The following TRPM3 variants were observed in gnomAD, a reference collection of about 807,000 sequenced individuals.
TRPM3 encodes transient receptor potential cation channel subfamily M member 3.
A neutral mutation model predicts 181.2 loss-of-function variants in TRPM3; 77 were observed. The ratio of observed to expected loss-of-function variants is 0.42; its 90% CI spans 0.35 to 0.51. The LOEUF (loss-of-function observed/expected upper bound fraction) is 0.51. Ranked by LOEUF, TRPM3 falls within the 20% of genes least tolerant of loss-of-function variation. The pLI is 0.01. For missense variants in TRPM3, 1,759 were observed against 2,196.7 expected (o/e 0.80, Z 3.98); for synonymous variants, 745 against 796.4 (o/e 0.94, Z 1.09).
At chr9:71,399,278 A>G (rs6560201) in intron 1 of TRPM3, among the ~76,000 whole-genome samples, 150,659 of 152,240 alleles carry the variant, frequency 0.99, 74,577 homozygotes, top group East Asian at 1. Context: ...GCACATGCCA[A>G]AGAATGTTCA....
At chr9:70,624,281 AT>A (rs2064118885) in intron 14 of TRPM3, among the ~76,000 whole-genome samples, 1 of 152,174 alleles carries the variant, frequency 6.6e-6, no homozygotes. Context: ...TTACTTTGTT[AT>A]TATTTTATTG....
intron 1 of TRPM3, among the ~76,000 whole-genome samples, chr9:70,929,295 G>A (rs563883883): frequency 7.9e-5 from 12 of 151,808 alleles, no homozygotes; most frequent in South Asian, 6.3e-4. Flanking sequence ...TCTGTCTCCC[G>A]GGTTCAAGCA....
chr9:71,335,510 A>T (rs1209337256), intron 1 of TRPM3, among the ~76,000 whole-genome samples: 1 of 152,130 alleles, frequency 6.6e-6, no homozygotes, highest in East Asian at 1.9e-4. Flanking sequence ...TGAACACTTT[A>T]AACTTGAGCA....
chr9:71,089,516 A>C lies in TRPM3; in HGVS notation c.177+31662T>G, dbSNP rs2065854604. 2.0e-5 allele frequency among the ~76,000 whole-genome samples: 3 copies of C among 152,044 alleles called. No homozygotes were observed. The East Asian group carries it at 5.8e-4, about 29-fold the overall frequency. On this transcript the variant is annotated intron_variant, in intron 1 of 25. Coordinates refer to ENST00000677713, the MANE Select transcript of TRPM3 (RefSeq NM_001366145.2). ...AGAGGCATCTAGGTACTACAGAGCC[A>C]GAAATTGATTTAGAATTTTTTGTCA...
chr9:71,351,467 C>T (rs943925736), intron 1 of TRPM3, among the ~76,000 whole-genome samples: 10 of 152,114 alleles, frequency 6.6e-5, no homozygotes, highest in Non-Finnish European at 1.5e-4. Context: ...ACTGAATGAT[C>T]GAAACTATAT....
At chr9:71,320,967 A>G (rs1267134775) in intron 1 of TRPM3, among the ~76,000 whole-genome samples, 1 of 152,004 alleles carries the variant, frequency 6.6e-6, no homozygotes, top group Non-Finnish European at 1.5e-5. Context: ...CCCACATCGA[A>G]GGCATCATCA....
chr9:70,956,961 C>CTTTTTTTTTTTTTTTT (rs747544684), intron 1 of TRPM3, among the ~76,000 whole-genome samples: 1 of 137,398 alleles, frequency 7.3e-6, no homozygotes, highest in Non-Finnish European at 1.6e-5. Context: ...TTCTTTCTTT[C>CTTTTTTTTTTTTTTTT]TTTTTTTTTT....
intron 1 of TRPM3, among the ~76,000 whole-genome samples, chr9:71,087,360 A>G (rs1418884728): frequency 6.6e-6 from 1 of 152,088 alleles, no homozygotes; most frequent in Admixed American, 6.6e-5. Context: ...ATTTCCTGGG[A>G]AAGATCTTTT....
At position 70,953,134 on chromosome 9, in the gene TRPM3, C is replaced by T. The variant is rs184324094; in HGVS notation, c.178-88623G>A. 3.6e-3 allele frequency among the ~76,000 whole-genome samples: 548 copies of T among 152,286 alleles called. 1 individual carries two copies. Among genetic ancestry groups the T allele is most frequent in the African/African-American group, 0.012 (511 of 41,568 alleles). ...GAACTTCTATGGCACAAGGGAAAGA[C>T]AAAGTCTGTGACATATCTCAAATCT... is the stretch of plus-strand genomic sequence containing the variant. On this transcript the variant is annotated intron_variant, in intron 1 of 25. Transcript: ENST00000677713.
intron 9 of TRPM3, among the ~76,000 whole-genome samples, chr9:70,676,404 A>C (rs2064014650): frequency 6.6e-6 from 1 of 152,164 alleles, no homozygotes; most frequent in Non-Finnish European, 1.5e-5. Context: ...CAATAACTTC[A>C]TTTGCTGTGA....
At chr9:71,067,521 G>A (rs2062085823) in intron 1 of TRPM3, among the ~76,000 whole-genome samples, 1 of 151,950 alleles carries the variant, frequency 6.6e-6, no homozygotes, top group African/African-American at 2.4e-5. Flanking sequence ...TTTAAATCCT[G>A]GCGAATAAAT....
At chr9:70,619,611 T>A (rs2063336429) in intron 16 of TRPM3, among the ~76,000 whole-genome samples, 2 of 151,572 alleles carry the variant, frequency 1.3e-5, no homozygotes. Flanking sequence ...GATGGGGTCT[T>A]GCTATGTTGC....
chr9:70,544,233 T>C (rs2044273898), intron 25 of TRPM3, among the ~76,000 whole-genome samples: 1 of 152,194 alleles, frequency 6.6e-6, no homozygotes, highest in African/African-American at 2.4e-5. Context: ...TTCTAGAAAT[T>C]ATGTAAATTT....
At chr9:70,761,108 T>G in intron 8 of TRPM3, 1 of 254,554 alleles carries the variant, frequency 3.9e-6, no homozygotes, top group Non-Finnish European at 7.4e-6. Context: ...TTGCTCTGAT[T>G]TTAGAAACAC....
At chr9:70,546,529 C>T (rs1034982715) in intron 25 of TRPM3, among the ~76,000 whole-genome samples, 6 of 152,072 alleles carry the variant, frequency 3.9e-5, no homozygotes, top group Non-Finnish European at 5.9e-5. Context: ...ATCCTTAGTG[C>T]GTGGCTTACT....
intron 8 of TRPM3, among the ~76,000 whole-genome samples, chr9:70,683,119 A>G (rs1180229766): frequency 6.6e-6 from 1 of 152,212 alleles, no homozygotes; most frequent in Non-Finnish European, 1.5e-5. Context: ...ATAAGATAAT[A>G]CGAACACTTG....
intron 1 of TRPM3, among the ~76,000 whole-genome samples, chr9:71,268,239 G>A (rs2083525840): frequency 6.6e-6 from 1 of 151,834 alleles, no homozygotes; most frequent in South Asian, 2.1e-4. Flanking sequence ...AGTTAGCCTG[G>A]CATGGTGGTG....
rs150190397 is a variant in TRPM3 at position 71,176,460 on chromosome 9, C to T, written c.183+270193G>A. ...GAAAGAAAGTATTTTTGTACAGCTA[C>T]GCAAACTGTTAGTATTTTAAGCTAA... On this transcript the variant is annotated intron_variant, in intron 1 of 24. Coordinates refer to the TRPM3 transcript ENST00000357533. Among the ~76,000 whole-genome samples the T allele has an allele frequency of 7.9e-3, 1,197 of 152,070 alleles. 3 individuals carry two copies. Among genetic ancestry groups the T allele is most frequent in the Non-Finnish European group, 0.012 (795 of 67,988 alleles).
chr9:71,006,907 C>T (rs989846712), intron 1 of TRPM3, among the ~76,000 whole-genome samples: 17 of 147,080 alleles, frequency 1.2e-4, no homozygotes, highest in African/African-American at 2.5e-4. Context: ...GGTGTGGTGG[C>T]GCATGCCTGT....
Sources: gnomAD v4.1 joint callset for allele counts (sites outside exome capture counted in the v4.1 genomes callset) on GRCh38, gnomAD v4.1.1 for gene constraint, MANE v1.5 for transcripts, NCBI Gene and HGNC (gene_info 2026-07-23, HGNC 2026-07-21) for gene names.